The following R3HDM1 variants were observed in gnomAD, a reference collection of about 807,000 sequenced individuals.
R3HDM1 encodes R3H domain-containing protein 1.
Under a neutral mutation model 141.1 loss-of-function variants are expected in R3HDM1, and 46 were observed. The observed-to-expected ratio is 0.33, with a 90% confidence interval of 0.26 to 0.42. The LOEUF is 0.42. Among genes scored for constraint, R3HDM1 ranks in the 10% least tolerant of loss-of-function variants. The pLI is 1.00. For missense variants in R3HDM1, 1,184 were observed against 1,368.3 expected (o/e 0.87, Z 2.12); for synonymous variants, 435 against 472.9 (o/e 0.92, Z 1.04).
rs141807794 is a variant in R3HDM1 at position 135,701,912 on chromosome 2, T to C, written c.2460-7521T>C. Among the ~76,000 whole-genome samples, 216 of 152,284 alleles carry C rather than the reference T, an allele frequency of 1.4e-3. No homozygotes were observed. In the Middle Eastern group the frequency reaches 0.037, roughly 26 times the overall value. The stretch of plus-strand genomic sequence containing the variant: ...TTCTGCCATGTGCTTATTTATCTTG[T>C]TTTTAAACAGCTCTATTGAGATATA... On this transcript the variant is annotated intron_variant, in intron 21 of 26. Transcript: ENST00000683871.
chr2:135,577,330 C>A, intron 1 of R3HDM1: 1 of 377,006 alleles, frequency 2.7e-6, no homozygotes, highest in Non-Finnish European at 3.5e-6. Context: ...GCCTATAGCA[C>A]TAATGTATAC....
chr2:135,579,728 C>T (rs1706364731), intron 1 of R3HDM1, among the ~76,000 whole-genome samples: 2 of 152,004 alleles, frequency 1.3e-5, no homozygotes, highest in Non-Finnish European at 2.9e-5. Context: ...GTATCCCTAC[C>T]AAAAATGCCT....
intron 1 of R3HDM1, among the ~76,000 whole-genome samples, chr2:135,554,223 A>G (rs570643881): frequency 6.6e-6 from 1 of 152,168 alleles, no homozygotes; most frequent in African/African-American, 2.4e-5. Context: ...TTCTGTCTCT[A>G]TAGATTTGCC....
chr2:135,639,186 C>T, intron 14 of R3HDM1, 64 bp downstream of exon 14: 1 of 1,479,374 alleles, frequency 6.8e-7, no homozygotes, highest in Non-Finnish European at 9.3e-7. Context: ...GTCTCAGGTC[C>T]TTATTTATCA....
intron 1 of R3HDM1, among the ~76,000 whole-genome samples, chr2:135,544,430 A>G (rs1021542723): frequency 1.3e-5 from 2 of 152,348 alleles, no homozygotes; most frequent in Middle Eastern, 3.4e-3. Flanking sequence ...TTAGTTTTTT[A>G]TAGTGGTATT....
At chr2:135,617,177 A>T (rs2061107731) in intron 5 of R3HDM1, among the ~76,000 whole-genome samples, 1 of 152,040 alleles carries the variant, frequency 6.6e-6, no homozygotes. Context: ...ATACAAAAAA[A>T]TTAGCCGGGC....
intron 16 of R3HDM1, among the ~76,000 whole-genome samples, chr2:135,647,544 A>C (rs867829748): frequency 6.6e-6 from 1 of 152,202 alleles, no homozygotes; most frequent in Non-Finnish European, 1.5e-5. Context: ...CAGATGCTTT[A>C]ATGAGCTATA....
rs1367041101 is a variant in R3HDM1 at position 135,559,058 on chromosome 2, T to A, written c.-250+27425T>A. ...TATTTATGATTCCACAAAGTGTGTG[T>A]GTGTGTGTGTGTGTGTGTGTGTGTG... On this transcript the variant is annotated intron_variant, in intron 1 of 26. Transcript: ENST00000683871. 5 of 842,636 alleles carry A rather than the reference T, an allele frequency of 5.9e-6. No homozygotes were observed. In the African/African-American group the frequency reaches 1.2e-4, roughly 21 times the overall value. The allele number at this position is 842,636 out of a possible 1,614,324, so 52.2% of individuals were successfully genotyped here. A position where few individuals can be genotyped will look rare whatever the true frequency, so the allele number is the denominator to read the frequency against.
rs1345937931 is a variant in R3HDM1, at chr2:135,645,364, T to C, written c.1475-15T>C. 2 of 1,576,552 alleles carry C rather than the reference T, an allele frequency of 1.3e-6. No homozygotes were observed. Among genetic ancestry groups the C allele is most frequent in the Admixed American group, 3.5e-5 (2 of 57,634 alleles). ...TATTCTAAGTTATTTTTTTCCCTCT[T>C]TTTGAATTTTTCAGGTCAGCCCTTC... is the stretch of plus-strand genomic sequence containing the variant. On this transcript the variant is annotated splice_polypyrimidine_tract_variant and intron_variant, in intron 15 of 26. Coordinates refer to ENST00000683871, the MANE Select transcript of R3HDM1 (RefSeq NM_001378107.1).
intron 6 of R3HDM1, 101 bp from the exon 7 acceptor site, chr2:135,622,553 G>T: frequency 7.3e-7 from 1 of 1,366,246 alleles, no homozygotes; most frequent in East Asian, 2.8e-5. Context: ...TCAATGTGGG[G>T]CATCTTGTTT....
intron 7 of R3HDM1, among the ~76,000 whole-genome samples, chr2:135,626,092 A>G (rs1208558220): frequency 6.6e-6 from 1 of 152,156 alleles, no homozygotes; most frequent in Non-Finnish European, 1.5e-5. Flanking sequence ...CTGAGCCCCA[A>G]ACTGTGGGAT....
chr2:135,709,590 A>G, intron 22 of R3HDM1, 54 bp downstream of exon 22: 1 of 1,592,734 alleles, frequency 6.3e-7, no homozygotes. Context: ...AAATAGTTCG[A>G]TTACTTTCCT....
At chr2:135,621,895 A>G (rs2061544298) in intron 6 of R3HDM1, 6 of 976,848 alleles carry the variant, frequency 6.1e-6, no homozygotes, top group Non-Finnish European at 7.3e-6. Context: ...TAATTTTTAT[A>G]TTGATTCATC....
At chr2:135,541,554 C>T (rs1697511436) in intron 1 of R3HDM1, among the ~76,000 whole-genome samples, 1 of 151,790 alleles carries the variant, frequency 6.6e-6, no homozygotes, top group African/African-American at 2.4e-5. Flanking sequence ...ATAGGGAGGA[C>T]CAAAGAGAGG....
At chr2:135,647,721 A>G (rs949122050) in intron 16 of R3HDM1, among the ~76,000 whole-genome samples, 7 of 152,226 alleles carry the variant, frequency 4.6e-5, no homozygotes, top group African/African-American at 1.7e-4. Flanking sequence ...GCAAATAACC[A>G]AACAAAATAA....
At chr2:135,669,051 A>T in intron 19 of R3HDM1, 1 of 817,804 alleles carries the variant, frequency 1.2e-6, no homozygotes, top group Non-Finnish European at 1.5e-6. Context: ...GTTATGTTTT[A>T]ATATTTTTAG....
chr2:135,625,497 A>G (rs1214737131), intron 7 of R3HDM1, among the ~76,000 whole-genome samples: 1 of 152,216 alleles, frequency 6.6e-6, no homozygotes, highest in African/African-American at 2.4e-5. Flanking sequence ...ATATGAAAAT[A>G]TAAGTATTGT....
intron 1 of R3HDM1, chr2:135,536,548 T>C (rs933152507): frequency 2.4e-5 from 22 of 927,140 alleles, no homozygotes; most frequent in Non-Finnish European, 2.7e-5. Flanking sequence ...CAAAAGAAAT[T>C]AGGTAGAGAA....
chr2:135,533,694 A>G (rs933290416), intron 1 of R3HDM1, among the ~76,000 whole-genome samples: 1 of 152,222 alleles, frequency 6.6e-6, no homozygotes, highest in African/African-American at 2.4e-5. Context: ...CCTGACCAAC[A>G]TGGAGAAACC....
Sources: allele counts gnomAD v4.1 joint callset (sites outside exome capture counted in the v4.1 genomes callset), GRCh38; gene constraint gnomAD v4.1.1; transcripts MANE v1.5; gene names NCBI Gene and HGNC (gene_info 2026-07-23, HGNC 2026-07-21).